Variants in RGS3 observed in about 807,000 individuals in gnomAD.
The protein encoded by RGS3 is regulator of G-protein signalling 3.
A neutral mutation model predicts 132.6 loss-of-function variants in RGS3; 80 were observed. The observed-to-expected ratio is 0.60, with a 90% CI of 0.50 to 0.73. The LOEUF (loss-of-function observed/expected upper bound fraction) is 0.73, where lower values mean the gene tolerates loss of function less well. Ranked by LOEUF, RGS3 falls within the 30% of genes least tolerant of loss-of-function variation. RGS3 has a pLI of 0.00. For missense variants in RGS3, 1,382 were observed against 1,530.8 expected (o/e 0.90, Z 1.62); for synonymous variants, 598 against 620.6 (o/e 0.96, Z 0.54).
At chr9:113,483,197 C>A in intron 5 of RGS3, 80 bp downstream of exon 3, 1 of 980,176 alleles carries the variant, frequency 1.0e-6, no homozygotes, top group Non-Finnish European at 1.6e-6. Context: ...CCCAGCACAC[C>A]TGTGGGGCTG....
chr9:113,513,299 C>CA (rs1385214690), intron 14 of RGS3, among the ~76,000 whole-genome samples: 2 of 151,958 alleles, frequency 1.3e-5, no homozygotes, highest in African/African-American at 4.9e-5. Context: ...GACCCCTCCC[C>CA]CCACACCGCC....
chr9:113,456,513 A>G (rs770437167), upstream of RGS3, among the ~76,000 whole-genome samples: 5 of 152,146 alleles, frequency 3.3e-5, no homozygotes, highest in Non-Finnish European at 5.9e-5. Context: ...TGTTGATTCT[A>G]TCTCTTTCCA....
In RGS3 at chr9:113,541,741, C is replaced by T. The variant is rs528326834; in HGVS notation, c.2037+4823C>T. The T allele has an allele frequency of 1.0e-4, 107 of 1,040,582 alleles. 1 individual carries two copies. The South Asian group carries it at 3.8e-3, about 37-fold the overall frequency. 64.5% of individuals were successfully genotyped at this position (1,040,582 alleles called of 1,614,324 possible). A position where few individuals can be genotyped will look rare whatever the true frequency, so the allele number is the denominator to read the frequency against. On this transcript the variant is annotated intron_variant, in intron 19 of 24. Transcript: ENST00000350696. ...TGGGCTTCCAGTGGTGGCTCCCGGA[C>T]CTGCCTTGGGGGCAGCAGGAGAGGT...
At chr9:113,513,584 A>C (rs1831503200) in intron 14 of RGS3, among the ~76,000 whole-genome samples, 1 of 151,976 alleles carries the variant, frequency 6.6e-6, no homozygotes, top group African/African-American at 2.4e-5. Flanking sequence ...ACTCTAAGTG[A>C]ACTTAGAGTA....
chr9:113,583,268 A>G, intron 19 of RGS3, 182 bp from the exon 18 acceptor site: 1 of 1,075,048 alleles, frequency 9.3e-7, no homozygotes, highest in African/African-American at 1.6e-5. Context: ...GCAAGAAGAC[A>G]GGGTGAGAAT....
At position 113,463,898 on chromosome 9, in the gene RGS3, G is replaced by C; in HGVS notation, c.415+1697G>C. On this transcript the variant is annotated intron_variant, in intron 3 of 24. Transcript: ENST00000350696. The surrounding 1 kb of genome is among the most constrained non-coding windows in gnomAD (Gnocchi z 4.6). The stretch of plus-strand genomic sequence containing the variant: ...CCACCTTTGGTAAGTGCCCGCTGGG[G>C]CTGGCGGCAGGGGCTGCTTCACCCT... 1 of 1,612,284 alleles carries C rather than the reference G, an allele frequency of 6.2e-7. No individual in the cohort carries two copies. Among genetic ancestry groups the C allele is most frequent in the Non-Finnish European group, 8.5e-7 (1 of 1,179,428 alleles).
intron 17 of RGS3, 88 bp downstream of exon 15, chr9:113,523,129 T>A: frequency 1.2e-6 from 1 of 844,738 alleles, no homozygotes; most frequent in Non-Finnish European, 2.0e-6. Context: ...TGGCTGCCAG[T>A]CATCCGTAGG....
chr9:113,465,476 T>TGCGC (rs1554754578), intron 3 of RGS3, among the ~76,000 whole-genome samples: 4 of 151,422 alleles, frequency 2.6e-5, no homozygotes, highest in African/African-American at 7.3e-5. Context: ...TGTGTGTGTG[T>TGCGC]GTGTGCCTGT....
chr9:113,461,867 A>G (rs751104511), intron 2 of RGS3: 56 of 1,612,070 alleles, frequency 3.5e-5, no homozygotes, highest in Non-Finnish European at 4.6e-5. Context: ...AGAGGTGACT[A>G]TCATCTCAGG....
intron 10 of RGS3, among the ~76,000 whole-genome samples, chr9:113,504,534 G>A (rs1831048354): frequency 2.0e-5 from 3 of 152,204 alleles, no homozygotes; most frequent in African/African-American, 7.2e-5. Context: ...AAAGGACTGA[G>A]AATGGCCCAG....
intron 18 of RGS3, 194 bp from the exon 17 acceptor site, chr9:113,536,602 C>T (rs1832686923): frequency 7.0e-7 from 1 of 1,427,594 alleles, no homozygotes; most frequent in Non-Finnish European, 9.2e-7. Flanking sequence ...CCAGCTGGCC[C>T]TTGAACCCAC....
chr9:113,583,143 A>C, intron 19 of RGS3: 1 of 420,256 alleles, frequency 2.4e-6, no homozygotes, highest in South Asian at 2.7e-5. Context: ...CACATAAGAG[A>C]GTGGGGTCAA....
At chr9:113,542,605 C>A (rs1832948374) in intron 19 of RGS3, among the ~76,000 whole-genome samples, 1 of 152,122 alleles carries the variant, frequency 6.6e-6, no homozygotes, top group Non-Finnish European at 1.5e-5. Flanking sequence ...CCTCAATGGC[C>A]CCTCTCTCAG....
chr9:113,473,685 C>G (rs1829905433), intron 3 of RGS3, among the ~76,000 whole-genome samples: 1 of 152,220 alleles, frequency 6.6e-6, no homozygotes, highest in Non-Finnish European at 1.5e-5. Flanking sequence ...CCATGCCCAG[C>G]CAACCTGTTT....
chr9:113,466,575 G>C (rs533823706), intron 3 of RGS3, among the ~76,000 whole-genome samples: 6 of 152,240 alleles, frequency 3.9e-5, no homozygotes, highest in South Asian at 2.1e-4. Context: ...GCAAGCTGAG[G>C]CTAGGACCCA....
At chr9:113,472,866 C>CT (rs1200599217) in intron 3 of RGS3, among the ~76,000 whole-genome samples, 1 of 152,088 alleles carries the variant, frequency 6.6e-6, no homozygotes. Context: ...TGGTGAAACT[C>CT]TGTCTCTACA....
chr9:113,507,116 G>C lies in RGS3; in HGVS notation c.1086-171G>C, dbSNP rs1023530071. On this transcript the variant is annotated intron_variant, in intron 12 of 24. Transcript: ENST00000350696. The surrounding 1 kb of genome is among the most constrained non-coding windows in gnomAD (Gnocchi z 5.0). ...AATTGACCTAGGTGACCCATTTGCT[G>C]TCTCTTCTTTAAATGGCTTCTTGCA... Among the ~76,000 whole-genome samples the C allele has an allele frequency of 6.6e-6, 1 of 152,206 alleles. No individual in the cohort carries two copies. The highest frequency in any genetic ancestry group is 2.4e-5 in the African/African-American group (1 of 41,458).
chr9:113,449,192 A>G (rs190020556), intron 1 of RGS3, among the ~76,000 whole-genome samples: 2 of 152,330 alleles, frequency 1.3e-5, no homozygotes, highest in Admixed American at 6.5e-5. Flanking sequence ...TTAGGAGGCT[A>G]TCATAGAAAT....
At chr9:113,578,656 T>C (rs1834646133) in intron 19 of RGS3, among the ~76,000 whole-genome samples, 1 of 151,984 alleles carries the variant, frequency 6.6e-6, no homozygotes, top group Non-Finnish European at 1.5e-5. Flanking sequence ...CCAGGAGAGC[T>C]AAGTGTTAGC....
Sources: allele counts gnomAD v4.1 joint callset (sites outside exome capture counted in the v4.1 genomes callset), GRCh38; gene constraint gnomAD v4.1.1; non-coding constraint Gnocchi (gnomAD v3.1); transcripts MANE v1.5; gene names NCBI Gene and HGNC (gene_info 2026-07-23, HGNC 2026-07-21).